SUOX: variants seen among roughly 807,000 people sequenced by gnomAD.
The protein encoded by SUOX is sulfite oxidase.
Under a neutral mutation model 41.9 loss-of-function variants are expected in SUOX, and 39 were observed. The observed-to-expected ratio is 0.93, with a 90% confidence interval of 0.72 to 1.21. The LOEUF (loss-of-function observed/expected upper bound fraction) is 1.21. Among genes scored for constraint, SUOX ranks in the 50% most tolerant of loss-of-function variants. The pLI is 0.00. For missense variants in SUOX, 633 were observed against 689.5 expected (o/e 0.92, Z 0.92); for synonymous variants, 220 against 268.4 (o/e 0.82, Z 1.76).
At chr12:56,001,098 T>G (rs1461682091) in intron 2 of SUOX, among the ~76,000 whole-genome samples, 3 of 133,484 alleles carry the variant, frequency 2.2e-5, no homozygotes, top group Non-Finnish European at 4.8e-5. Context: ...TTTTCTATTT[T>G]GTTATTGTTG....
intron 2 of SUOX, 197 bp from the exon 3 acceptor site, chr12:56,002,015 G>T: frequency 1.4e-6 from 2 of 1,458,440 alleles, no homozygotes; most frequent in East Asian, 2.6e-5. Flanking sequence ...CTGCCATCCT[G>T]TCAGCACAGT....
At chr12:56,002,428 A>G in intron 3 of SUOX, 115 bp from the exon 4 acceptor site, 1 of 1,526,420 alleles carries the variant, frequency 6.6e-7, no homozygotes, top group South Asian at 1.1e-5. Context: ...CCCTGGAGAA[A>G]CTAAGTTCCA....
At chr12:56,002,815 A>T (rs748957542) in intron 4 of SUOX, 95 bp downstream of exon 4, 125 of 1,485,048 alleles carry the variant, frequency 8.4e-5, no homozygotes, top group Non-Finnish European at 1.1e-4. Flanking sequence ...TGGGTGGGTC[A>T]CTTGAGGTTA....
At chr12:55,997,920 A>G (rs1890366287) in intron 2 of SUOX, among the ~76,000 whole-genome samples, 197 bp downstream of exon 2, 1 of 151,712 alleles carries the variant, frequency 6.6e-6, no homozygotes, top group South Asian at 2.1e-4. Flanking sequence ...CTCTCTGTTC[A>G]GCAATTTGAG....
At chr12:56,003,489 G>A (rs1890606855) in intron 4 of SUOX, 129 bp from the exon 5 acceptor site, 2 of 813,168 alleles carry the variant, frequency 2.5e-6, no homozygotes, top group Middle Eastern at 3.5e-4. Context: ...TTGAACTCCC[G>A]ACCTTATGTG....
intron 2 of SUOX, among the ~76,000 whole-genome samples, chr12:56,000,246 G>T (rs1054482756): frequency 1.1e-4 from 17 of 152,230 alleles, no homozygotes; most frequent in African/African-American, 1.9e-4. Flanking sequence ...CACGGCGAAG[G>T]GGGGCTCAGG....
chr12:56,003,651 G>C lies in SUOX; in HGVS notation c.262G>C (p.Glu88Gln). The C allele has an allele frequency of 6.2e-7, 1 of 1,614,124 alleles. No homozygotes were observed. Among genetic ancestry groups the C allele is most frequent in the Non-Finnish European group, 8.5e-7 (1 of 1,180,004 alleles). Residue 88 changes from glutamate to glutamine, a missense_variant, in exon 5 of 5, where the codon GAG (glutamate) becomes CAG (glutamine). Coordinates refer to ENST00000266971, the MANE Select transcript of SUOX (RefSeq NM_001032386.2). ...AQESTHIYTK[E>Q]EVSSHTSPET... Reference sequence around the variant, plus strand: ...GGAGTCAACACACATATACACTAAGGAGGAAGTGAGTTCCCACACCAGCCC... The same window carrying C: ...GGAGTCAACACACATATACACTAAGCAGGAAGTGAGTTCCCACACCAGCCC...
intron 2 of SUOX, chr12:56,001,652 G>C: frequency 5.7e-6 from 1 of 175,416 alleles, no homozygotes; most frequent in Non-Finnish European, 1.2e-5. Flanking sequence ...AGCAAGTTCA[G>C]AACGGCTTGG....
Position 56,003,928 on chromosome 12 carries a change from C to T in SUOX, c.539C>T (p.Pro180Leu). ...ACCTCTGACCCTTATGCTGATGATCCTGTACGTCACCCAGCCCTGAAGGTC... is the reference window on the plus strand; with the variant it reads ...ACCTCTGACCCTTATGCTGATGATCTTGTACGTCACCCAGCCCTGAAGGTC... ...VETSDPYADD[P>L]VRHPALKVNS... Residue 180 changes from proline (P) to leucine (L), a missense_variant, in exon 5 of 5, where the codon CCT becomes CTT. Transcript: ENST00000266971. 1 of 1,614,110 alleles carries T rather than the reference C, an allele frequency of 6.2e-7. No individual in the cohort carries two copies. The highest frequency in any genetic ancestry group is 2.2e-5 in the East Asian group (1 of 44,888).
rs1354130199 is a variant in SUOX, at chr12:56,004,650, C to G, written c.1261C>G (p.Gln421Glu). The stretch of plus-strand genomic sequence containing the variant: ...AGATTTTGACTCTGCTCCATCCATT[C>G]AGGAACTTCCTGTCCAGTCGGCCAT... Reference protein sequence around the residue: ...TVDFDSAPSIQELPVQSAITE... With the variant: ...TVDFDSAPSIEELPVQSAITE... Residue 421 changes from glutamine to glutamate, a missense_variant, in exon 5 of 5, where the codon CAG becomes GAG. Coordinates refer to ENST00000266971, the MANE Select transcript of SUOX (RefSeq NM_001032386.2). This position sits in a 1 kb window ranked among gnomAD's most constrained non-coding sequence, Gnocchi z 4.5. 6.2e-7 allele frequency: 1 copy of G among 1,613,926 alleles called. No individual in the cohort carries two copies. Among genetic ancestry groups the G allele is most frequent in the African/African-American group, 1.3e-5 (1 of 75,052 alleles).
Position 56,003,606 on chromosome 12 carries a change from C to A in SUOX, c.229-12C>A, listed in dbSNP as rs779944047. 3.7e-6 allele frequency: 6 copies of A among 1,612,252 alleles called. No homozygotes were observed. The highest frequency in any genetic ancestry group is 1.7e-4 in the Middle Eastern group (1 of 6,058). ...TCTCTTCCCTTTTATCTTACTCCTTCCCTGCCAATAGGCTGCTCAGGAGTC... is the reference window on the plus strand; with the variant it reads ...TCTCTTCCCTTTTATCTTACTCCTTACCTGCCAATAGGCTGCTCAGGAGTC... On this transcript the variant is annotated splice_polypyrimidine_tract_variant and intron_variant, in intron 4 of 4. Coordinates refer to ENST00000266971, the MANE Select transcript of SUOX (RefSeq NM_001032386.2).
chr12:56,002,000 A>G (rs1890547767), intron 2 of SUOX: 3 of 1,435,194 alleles, frequency 2.1e-6, no homozygotes, highest in Admixed American at 4.9e-5. Flanking sequence ...CCCCACCCGC[A>G]TTACCTGCCA....
At chr12:56,002,032 C>T in intron 2 of SUOX, 180 bp from the exon 3 acceptor site, 1 of 1,479,938 alleles carries the variant, frequency 6.8e-7, no homozygotes, top group Non-Finnish European at 9.0e-7. Context: ...CAGTCTGTCT[C>T]TGAAGTGCTC....
At chr12:56,001,069 G>A (rs977470761) in intron 2 of SUOX, among the ~76,000 whole-genome samples, 9 of 149,812 alleles carry the variant, frequency 6.0e-5, no homozygotes, top group South Asian at 2.1e-4. Context: ...ACAGGCGTAA[G>A]CCACTGCGCC....
intron 4 of SUOX, 112 bp downstream of exon 4, chr12:56,002,832 T>G: frequency 7.8e-7 from 1 of 1,290,026 alleles, no homozygotes. Flanking sequence ...GTTAGGAGTT[T>G]GAGACCAGCC....
At chr12:56,002,039 G>A (rs2136508871) in intron 2 of SUOX, 173 bp from the exon 3 acceptor site, 2 of 1,486,470 alleles carry the variant, frequency 1.3e-6, no homozygotes, top group East Asian at 2.5e-5. Context: ...TCTCTGAAGT[G>A]CTCCAAGTTT....
intron 2 of SUOX, 132 bp from the exon 3 acceptor site, chr12:56,002,080 C>T (rs1019106308): frequency 3.4e-6 from 5 of 1,482,342 alleles, no homozygotes; most frequent in Non-Finnish European, 4.6e-6. Context: ...CTCCCACTCT[C>T]AAGACTCCTC....
At chr12:55,998,854 G>A (rs1464601696) in intron 2 of SUOX, among the ~76,000 whole-genome samples, 4 of 151,186 alleles carry the variant, frequency 2.6e-5, no homozygotes, top group South Asian at 2.1e-4. Flanking sequence ...GCTGGAGTAC[G>A]GTGGCGCCAT....
In SUOX at chr12:56,003,748, G is replaced by T; in HGVS notation, c.359G>T (p.Gly120Val). The T allele has an allele frequency of 6.2e-7, 1 of 1,613,382 alleles. No homozygotes were observed. The highest frequency in any genetic ancestry group is 8.5e-7 in the Non-Finnish European group (1 of 1,179,492). The change falls in exon 5 of 5, where the codon GGG becomes GTG. Residue 120 changes from glycine to valine, a missense_variant. Physicochemically the swap from Gly to Val is moderately radical, Grantham distance 109. Transcript: ENST00000266971. ...ACAGAATTTGTGGACCTACATCCAGGGGGGCCTTCAAAGCTGATGCTAGCA... is the reference window on the plus strand; with the variant it reads ...ACAGAATTTGTGGACCTACATCCAGTGGGGCCTTCAAAGCTGATGCTAGCA... ...DVTEFVDLHP[G>V]GPSKLMLAAG...
Sources: gnomAD v4.1 joint callset for allele counts (sites outside exome capture counted in the v4.1 genomes callset) on GRCh38, gnomAD v4.1.1 for gene constraint, Gnocchi (gnomAD v3.1) non-coding constraint, MANE v1.5 for transcripts, NCBI Gene and HGNC (gene_info 2026-07-23, HGNC 2026-07-21) for gene names.